FAM227A: variants seen among roughly 807,000 people sequenced by gnomAD.
FAM227A encodes protein FAM227A.
A neutral mutation model predicts 74.7 loss-of-function variants in FAM227A; 80 were observed. That is an observed-to-expected ratio of 1.07 (90% CI 0.89 to 1.29). The LOEUF (loss-of-function observed/expected upper bound fraction) is 1.29, where lower values mean the gene tolerates loss of function less well. Among genes scored for constraint, FAM227A ranks in the 50% most tolerant of loss-of-function variants. FAM227A has a pLI of 0.00. For missense variants in FAM227A, 654 were observed against 683.4 expected (o/e 0.96, Z 0.48); for synonymous variants, 237 against 241.8 (o/e 0.98, Z 0.19).
intron 6 of FAM227A, among the ~76,000 whole-genome samples, chr22:38,635,332 G>A (rs775455849): frequency 2.6e-5 from 4 of 151,952 alleles, no homozygotes; most frequent in Admixed American, 2.0e-4. Context: ...AGAACTACAG[G>A]TAGAACAGAC....
chr22:38,638,881 C>A (rs796343817), intron 4 of FAM227A, 59 bp from the exon 5 acceptor site: 46 of 1,118,884 alleles, frequency 4.1e-5, no homozygotes, highest in African/African-American at 2.4e-4. Context: ...CACAGCTGTG[C>A]GGTGCTTACA....
rs1569206517 is a variant in FAM227A at position 38,613,092 on chromosome 22, A to AT, written c.1039-5617dup. 2.8e-4 allele frequency among the ~76,000 whole-genome samples: 27 copies of AT among 96,038 alleles called. No individual in the cohort carries two copies. In the East Asian group the frequency reaches 4.0e-3, roughly 14 times the overall value. 63.0% of individuals were successfully genotyped at this position (96,038 alleles called of 152,430 possible). ...ATATATTATATATAATTATATATAT[A>AT]TATTATATATAATTATATATATATT... On this transcript the variant is annotated intron_variant, in intron 11 of 16. Transcript: ENST00000535113.
chr22:38,597,257 A>C lies in FAM227A; in HGVS notation c.1479T>G (p.Thr493=), dbSNP rs1030227013. The change falls in exon 15 of 17, where the codon ACT becomes ACG. Residue 493 remains threonine (T), a synonymous_variant. Transcript: ENST00000535113. ...GATGCTTGTCAAAATAATTCCATTC[A>C]GTCCAATGATGCTGGTACAACTGAT... ...NLNQLYQHHW[T]EWNYFDKHLK... is the part of the protein sequence containing the mutation. The C allele has an allele frequency of 5.2e-6, 8 of 1,552,140 alleles. No homozygotes were observed. In the African/African-American group the frequency reaches 1.1e-4, roughly 21 times the overall value.
intron 11 of FAM227A, among the ~76,000 whole-genome samples, chr22:38,613,287 A>G (rs1211598001): frequency 1.2e-5 from 1 of 80,600 alleles, no homozygotes; most frequent in Non-Finnish European, 2.2e-5. Flanking sequence ...TATCATATAT[A>G]ATATATATCA....
chr22:38,626,891 A>AAAAAAAAAATATATAT (rs1555966996), intron 8 of FAM227A, among the ~76,000 whole-genome samples: 3 of 57,690 alleles, frequency 5.2e-5, no homozygotes, highest in African/African-American at 8.7e-5. Flanking sequence ...AAAAAAAAAA[A>AAAAAAAAAATATATAT]ATATATATAT....
intron 13 of FAM227A, among the ~76,000 whole-genome samples, chr22:38,604,389 GC>G (rs1327832333): frequency 6.6e-6 from 1 of 152,124 alleles, no homozygotes; most frequent in African/African-American, 2.4e-5. Context: ...AAATTCTATG[GC>G]CGACTCCCTT....
At chr22:38,640,731 C>T (rs920903797) in intron 3 of FAM227A, among the ~76,000 whole-genome samples, 1 of 152,166 alleles carries the variant, frequency 6.6e-6, no homozygotes, top group African/African-American at 2.4e-5. Flanking sequence ...TCAACGTGGG[C>T]CAGAGCAGTC....
chr22:38,583,323 C>T lies in FAM227A; in HGVS notation c.*2802G>A. Reference sequence around the variant, plus strand: ...GAGTAGCTGAGGTTACAGGCACCTGCCATTGTGCCCGGCTAATTTTTTTGT... The same window carrying T: ...GAGTAGCTGAGGTTACAGGCACCTGTCATTGTGCCCGGCTAATTTTTTTGT... On this transcript the variant is annotated 3_prime_UTR_variant, in exon 17 of 17. Coordinates refer to ENST00000535113, the MANE Select transcript of FAM227A (RefSeq NM_001013647.2). The T allele has an allele frequency of 6.0e-6, 1 of 166,146 alleles. No homozygotes were observed. The highest frequency in any genetic ancestry group is 1.3e-5 in the Non-Finnish European group (1 of 76,656). The allele number at this position is 166,146 out of a possible 1,614,324, so 10.3% of individuals were successfully genotyped here. A position where few individuals can be genotyped will look rare whatever the true frequency, so the allele number is the denominator to read the frequency against.
intron 12 of FAM227A, among the ~76,000 whole-genome samples, chr22:38,606,641 C>G (rs1191901098): frequency 6.6e-6 from 1 of 152,096 alleles, no homozygotes; most frequent in Non-Finnish European, 1.5e-5. Flanking sequence ...GGGCGAATTG[C>G]CAGGGGAATT....
At chr22:38,608,772 GATAAA>G (rs1158677923) in intron 11 of FAM227A, among the ~76,000 whole-genome samples, 1 of 143,286 alleles carries the variant, frequency 7.0e-6, no homozygotes, top group Admixed American at 7.0e-5. Flanking sequence ...GCTTTCATAA[GATAAA>G]ATAAGACCCT....
chr22:38,647,968 A>G lies in FAM227A; in HGVS notation c.142+2059T>C, dbSNP rs190136080. Among the ~76,000 whole-genome samples the G allele has an allele frequency of 1.2e-3, 185 of 152,332 alleles. 2 individuals carry two copies. Among genetic ancestry groups the G allele is most frequent in the Middle Eastern group, 6.8e-3 (2 of 294 alleles). On this transcript the variant is annotated intron_variant, in intron 2 of 16. Coordinates refer to ENST00000535113, the MANE Select transcript of FAM227A (RefSeq NM_001013647.2). ...TGGGATCACACTTTGCCTCATCTTAAGAAGGGCTTCTGAGAGGCAAGGAAG... is the reference window on the plus strand; with the variant it reads ...TGGGATCACACTTTGCCTCATCTTAGGAAGGGCTTCTGAGAGGCAAGGAAG...
At chr22:38,621,857 C>T (rs972564287) in intron 10 of FAM227A, among the ~76,000 whole-genome samples, 1 of 152,198 alleles carries the variant, frequency 6.6e-6, no homozygotes, top group Admixed American at 6.5e-5. Flanking sequence ...TCAAACGCCA[C>T]GTACTGACCT....
intron 15 of FAM227A, among the ~76,000 whole-genome samples, chr22:38,596,052 G>C (rs1049562329): frequency 6.6e-6 from 1 of 152,146 alleles, no homozygotes; most frequent in Admixed American, 6.5e-5. Context: ...AGGCACGGTG[G>C]CTCACGCCTA....
intron 11 of FAM227A, among the ~76,000 whole-genome samples, chr22:38,610,469 GAC>G (rs1470468476): frequency 1.3e-5 from 2 of 152,174 alleles, no homozygotes; most frequent in South Asian, 2.1e-4. Flanking sequence ...AGCTCAGACT[GAC>G]AGTGTCCTGA....
chr22:38,617,964 T>TA (rs893106525), intron 11 of FAM227A, among the ~76,000 whole-genome samples: 2 of 151,360 alleles, frequency 1.3e-5, no homozygotes, highest in Non-Finnish European at 2.9e-5. Context: ...ATAAACCAAT[T>TA]AAAAAAAAGA....
intron 6 of FAM227A, among the ~76,000 whole-genome samples, chr22:38,631,373 CGGG>C (rs1219508913): frequency 1.3e-5 from 2 of 151,748 alleles, no homozygotes; most frequent in East Asian, 3.9e-4. Flanking sequence ...ACAATAGACA[CGGG>C]GGACTCTCAA....
chr22:38,630,914 T>C (rs1411981692), intron 6 of FAM227A, among the ~76,000 whole-genome samples: 1 of 152,194 alleles, frequency 6.6e-6, no homozygotes, highest in Admixed American at 6.5e-5. Flanking sequence ...ACGCCTGTAA[T>C]CCCAACACTT....
At chr22:38,621,808 C>G (rs1448619530) in intron 10 of FAM227A, among the ~76,000 whole-genome samples, 1 of 152,152 alleles carries the variant, frequency 6.6e-6, no homozygotes, top group Non-Finnish European at 1.5e-5. Flanking sequence ...GATGCTGATG[C>G]TGCAGGTCCT....
intron 14 of FAM227A, among the ~76,000 whole-genome samples, chr22:38,599,371 G>T (rs184563573): frequency 2.0e-5 from 3 of 152,290 alleles, no homozygotes; most frequent in African/African-American, 7.2e-5. Flanking sequence ...TCTGAGGAGG[G>T]TGTTAGATGA....
Sources: gnomAD v4.1 joint callset for allele counts (sites outside exome capture counted in the v4.1 genomes callset) on GRCh38, gnomAD v4.1.1 for gene constraint, MANE v1.5 for transcripts, NCBI Gene and HGNC (gene_info 2026-07-23, HGNC 2026-07-21) for gene names.